The following DPP10 variants were observed in gnomAD, a reference collection of about 807,000 sequenced individuals.
The protein encoded by DPP10 is dipeptidyl peptidase like 10, also known as inactive dipeptidyl peptidase 10.
In DPP10, 33 loss-of-function variants were observed where a neutral mutation model predicts 120.9. The observed-to-expected ratio is 0.27, with a 90% CI of 0.21 to 0.37. The LOEUF is 0.37. Ranked by LOEUF, DPP10 falls within the 10% of genes least tolerant of loss-of-function variation. DPP10 has a pLI of 1.00. For missense variants in DPP10, 816 were observed against 942.8 expected, an observed-to-expected ratio of 0.87 and a Z score of 1.76; for synonymous variants, 337 against 326.1, an observed-to-expected ratio of 1.03 and a Z score of -0.36.
rs531018015 is a variant in DPP10 at position 115,434,145 on chromosome 2, G to A, written c.272-65365G>A. Among the ~76,000 whole-genome samples, 41 of 151,990 alleles carry A rather than the reference G, an allele frequency of 2.7e-4. No homozygotes were observed. In the South Asian group the frequency reaches 6.0e-3, roughly 22 times the overall value. ...GGTAGTATAATTTACACATTAGACA[G>A]CAAAGCAAATCAACAAAAACTAAAT... On this transcript the variant is annotated intron_variant, in intron 3 of 25. Coordinates refer to ENST00000410059, the MANE Select transcript of DPP10 (RefSeq NM_020868.6).
chr2:115,550,603 G>T (rs933681931), intron 5 of DPP10, among the ~76,000 whole-genome samples: 20 of 152,178 alleles, frequency 1.3e-4, no homozygotes, highest in African/African-American at 4.6e-4. Context: ...ATTTACAGTA[G>T]CCATCTGCTT....
chr2:114,935,176 G>A (rs1029146249), intron 1 of DPP10, among the ~76,000 whole-genome samples: 3 of 151,944 alleles, frequency 2.0e-5, no homozygotes, highest in Admixed American at 6.6e-5. Context: ...ATTACAACCC[G>A]GTCTTCTACT....
chr2:114,821,221 A>T (rs190413543), intron 1 of DPP10, among the ~76,000 whole-genome samples: 121 of 152,300 alleles, frequency 7.9e-4, no homozygotes, highest in African/African-American at 2.7e-3. Context: ...CTCCCACCCT[A>T]GCCTGTTGAT....
intron 7 of DPP10, among the ~76,000 whole-genome samples, chr2:115,709,126 A>G (rs1300465962): frequency 6.6e-6 from 1 of 152,144 alleles, no homozygotes; most frequent in African/African-American, 2.4e-5. Context: ...AAAATAGCTC[A>G]CAAAATAGGA....
chr2:115,309,730 C>G (rs2061503995), intron 2 of DPP10, among the ~76,000 whole-genome samples: 2 of 151,920 alleles, frequency 1.3e-5, no homozygotes, highest in Admixed American at 1.3e-4. Flanking sequence ...GATAACCCAA[C>G]TGTATGGAAA....
chr2:114,469,222 A>G (rs988198249), intron 1 of DPP10, among the ~76,000 whole-genome samples: 11 of 152,220 alleles, frequency 7.2e-5, no homozygotes, highest in Admixed American at 2.0e-4. Context: ...AGGGCATCAT[A>G]CTTCATGGCA....
At chr2:114,839,719 A>T (rs1188291732) in intron 1 of DPP10, among the ~76,000 whole-genome samples, 1 of 152,086 alleles carries the variant, frequency 6.6e-6, no homozygotes, top group Non-Finnish European at 1.5e-5. Context: ...TTCTCTTTGT[A>T]CTTAGATTAA....
chr2:115,659,017 G>T (rs2088659415), intron 5 of DPP10, among the ~76,000 whole-genome samples: 1 of 152,112 alleles, frequency 6.6e-6, no homozygotes, highest in Admixed American at 6.6e-5. Flanking sequence ...CCTTTCAGAG[G>T]CAGAGCCCTC....
chr2:114,947,551 A>G (rs1477812458), intron 1 of DPP10, among the ~76,000 whole-genome samples: 2 of 151,988 alleles, frequency 1.3e-5, no homozygotes, highest in Non-Finnish European at 2.9e-5. Context: ...CTCCATCCTC[A>G]TTCCAAAACA....
chr2:115,381,312 A>G (rs896176526), intron 3 of DPP10, among the ~76,000 whole-genome samples: 1 of 151,954 alleles, frequency 6.6e-6, no homozygotes, highest in Non-Finnish European at 1.5e-5. Flanking sequence ...TTCATCTTCC[A>G]TCACTAATAC....
rs919796632 is a variant in DPP10, at chr2:114,726,831, G to C, written c.60+283993G>C. ...TTTTCCTGGGAATATTTCATAGAAA[G>C]TTGTGCTCAAAGATCAAAGTATGAT... On this transcript the variant is annotated intron_variant, in intron 1 of 25. Transcript: ENST00000410059. Among the ~76,000 whole-genome samples, 59 of 152,312 alleles carry C rather than the reference G, an allele frequency of 3.9e-4. 1 individual carries two copies. Among genetic ancestry groups the C allele is most frequent in the African/African-American group, 1.4e-3 (58 of 41,558 alleles).
intron 19 of DPP10, among the ~76,000 whole-genome samples, chr2:115,799,684 G>A (rs1684954866): frequency 6.7e-6 from 1 of 148,476 alleles, no homozygotes; most frequent in Non-Finnish European, 1.5e-5. Context: ...AACATGCGGT[G>A]TTTGGTTTTT....
intron 9 of DPP10, among the ~76,000 whole-genome samples, chr2:115,743,388 T>C (rs1359938201): frequency 6.6e-6 from 1 of 152,126 alleles, no homozygotes; most frequent in African/African-American, 2.4e-5. Context: ...CTTATAGCGC[T>C]GCTGACATAA....
At chr2:115,614,789 TAGAG>T (rs1182575537) in intron 5 of DPP10, among the ~76,000 whole-genome samples, 2 of 152,182 alleles carry the variant, frequency 1.3e-5, no homozygotes, top group African/African-American at 4.8e-5. Context: ...AGAATTATCA[TAGAG>T]AGAAAACAGA....
chr2:115,059,479 C>G (rs1706220359), intron 1 of DPP10, among the ~76,000 whole-genome samples: 1 of 151,442 alleles, frequency 6.6e-6, no homozygotes, highest in African/African-American at 2.4e-5. Flanking sequence ...GAGCTGTGTC[C>G]AATGCTAGCT....
chr2:115,597,145 G>T (rs2083040306), intron 5 of DPP10, among the ~76,000 whole-genome samples: 2 of 147,922 alleles, frequency 1.4e-5, no homozygotes, highest in South Asian at 2.1e-4. Context: ...AACACAACAG[G>T]AGGAGACAGT....
intron 1 of DPP10, among the ~76,000 whole-genome samples, chr2:115,216,564 A>G (rs1037885493): frequency 2.6e-5 from 4 of 152,216 alleles, no homozygotes; most frequent in Admixed American, 2.6e-4. Context: ...CAGGTGGATC[A>G]CCTGAGGCCA....
chr2:115,774,219 C>CAG (rs1681825291), intron 13 of DPP10, among the ~76,000 whole-genome samples: 1 of 147,926 alleles, frequency 6.8e-6, no homozygotes, highest in Admixed American at 6.8e-5. Flanking sequence ...TACACACACA[C>CAG]ACACACACAC....
intron 1 of DPP10, among the ~76,000 whole-genome samples, chr2:114,943,775 A>G (rs1697148413): frequency 6.6e-6 from 1 of 152,248 alleles, no homozygotes; most frequent in Non-Finnish European, 1.5e-5. Context: ...TTATAAAAGT[A>G]TTTTAAAAAT....
Sources: gnomAD v4.1 joint callset for allele counts (sites outside exome capture counted in the v4.1 genomes callset) on GRCh38, gnomAD v4.1.1 for gene constraint, MANE v1.5 for transcripts, NCBI Gene and HGNC (gene_info 2026-07-23, HGNC 2026-07-21) for gene names.